The following SLC13A4 variants were observed in gnomAD, a reference collection of about 807,000 sequenced individuals.
SLC13A4 encodes the protein solute carrier family 13 member 4, also known as Na(+)/sulfate cotransporter SUT-1.
SLC13A4 carries 28 observed loss-of-function variants against 72.7 expected under a neutral mutation model. The observed-to-expected ratio is 0.39, with a 90% CI of 0.29 to 0.53. The LOEUF is 0.53. SLC13A4 is among the 20% of genes least tolerant of loss of function. The pLI is 0.78. For synonymous variants in SLC13A4, 312 were observed against 325.5 expected (o/e 0.96, Z 0.45); for missense variants, 653 against 788.0 (o/e 0.83, Z 2.05).
intron 2 of SLC13A4, among the ~76,000 whole-genome samples, chr7:135,720,857 A>G (rs1796531452): frequency 6.6e-6 from 1 of 152,222 alleles, no homozygotes; most frequent in African/African-American, 2.4e-5. Flanking sequence ...CAAAGAAAGA[A>G]AGTAACCTTA....
At chr7:135,692,726 CCCAAACACTGTGCT>C in intron 10 of SLC13A4, 1 of 283,474 alleles carries the variant, frequency 3.5e-6, no homozygotes, top group Non-Finnish European at 6.5e-6. Context: ...AATAGGCAGC[CCCAAACACTGTGCT>C]GGTGGGAGGA....
At chr7:135,722,804 G>A (rs1250256686) in intron 1 of SLC13A4, among the ~76,000 whole-genome samples, 1 of 151,998 alleles carries the variant, frequency 6.6e-6, no homozygotes, top group East Asian at 1.9e-4. Flanking sequence ...TTCTCCCAAA[G>A]GCCCCTGTAA....
chr7:135,711,436 A>G (rs755074573), intron 2 of SLC13A4, among the ~76,000 whole-genome samples: 2 of 152,210 alleles, frequency 1.3e-5, no homozygotes, highest in Non-Finnish European at 2.9e-5. Flanking sequence ...GAAAGCAACC[A>G]GGAATATGGA....
In SLC13A4 at chr7:135,685,624, CGGTGGGAGGCTGCTCAGGGACAACATCT is replaced by C; in HGVS notation, c.1478_1505del (p.Gln493ArgfsTer19). On this transcript the variant is annotated frameshift_variant, in exon 14 of 16. Transcript: ENST00000682651. LOFTEE classifies it high-confidence loss of function. ...TGCATGCCAGCAGGGTGACAGCCCACGGTGGGAGGCTGCTCAGGGACAACATCTGGTTCCCAATCCATGTAGAGAGGCC... is the reference window on the plus strand; with the variant it reads ...TGCATGCCAGCAGGGTGACAGCCCACGGTTCCCAATCCATGTAGAGAGGCC... The C allele has an allele frequency of 6.2e-7, 1 of 1,614,144 alleles. No homozygotes were observed. Among genetic ancestry groups the C allele is most frequent in the Non-Finnish European group, 8.5e-7 (1 of 1,179,980 alleles).
intron 13 of SLC13A4, among the ~76,000 whole-genome samples, chr7:135,690,133 A>G (rs1795742843): frequency 7.3e-6 from 1 of 137,670 alleles, no homozygotes; most frequent in Non-Finnish European, 1.5e-5. Context: ...GTGAGCAGAG[A>G]TGGCGCCACT....
intron 13 of SLC13A4, among the ~76,000 whole-genome samples, chr7:135,687,036 G>A (rs1428974602): frequency 6.6e-6 from 1 of 152,162 alleles, no homozygotes; most frequent in African/African-American, 2.4e-5. Context: ...CAGCCTGGGT[G>A]ACAGAGTGAG....
At chr7:135,715,361 GTA>G (rs1265718799) in intron 2 of SLC13A4, among the ~76,000 whole-genome samples, 16 of 129,984 alleles carry the variant, frequency 1.2e-4, no homozygotes, top group Non-Finnish European at 1.8e-4. Context: ...GTGTATGAGT[GTA>G]TGTGTATGAG....
chr7:135,705,406 G>GTCCTGACAGGTCA, intron 5 of SLC13A4, 190 bp downstream of exon 5: 1 of 536,886 alleles, frequency 1.9e-6, no homozygotes, highest in Non-Finnish European at 3.3e-6. Context: ...GACTCTCCAG[G>GTCCTGACAGGTCA]TCCTGACAGG....
rs1359996816 is a variant in SLC13A4 at position 135,681,689 on chromosome 7, G to C, written c.1758C>G (p.Gly586=). ...CCAGTCCAATAACGTTGACTCCCAG[G>C]CCAGCTTTCACCTGCAGGACACAAA... ...HCQIKDMVKA[G]LGVNVIGLVI... The change falls in exon 16 of 16, where the codon GGC becomes GGG. Residue 586 remains glycine, a synonymous_variant. Transcript: ENST00000682651. The C allele has an allele frequency of 1.2e-6, 2 of 1,613,198 alleles. No individual in the cohort carries two copies. Among genetic ancestry groups the C allele is most frequent in the African/African-American group, 2.7e-5 (2 of 74,908 alleles).
At chr7:135,704,014 T>C (rs573290552) in intron 5 of SLC13A4, 33 of 152,256 alleles carry the variant, frequency 2.2e-4, no homozygotes, top group African/African-American at 7.7e-4. Flanking sequence ...ATGCTTAGAG[T>C]TCTAGGGACA....
At chr7:135,703,302 G>A in intron 5 of SLC13A4, 1 of 179,030 alleles carries the variant, frequency 5.6e-6, no homozygotes, top group Non-Finnish European at 1.2e-5. Context: ...AGGAGTCCAG[G>A]AGTCTGTCTC....
chr7:135,681,412 G>T lies in SLC13A4; in HGVS notation c.*151C>A. ...GTTGGAGGATTCCTGCAGTTCACTT[G>T]AGGTGGCGGAATCTTCTGGTGGAGG... On this transcript the variant is annotated 3_prime_UTR_variant, in exon 16 of 16. Coordinates refer to ENST00000682651, the MANE Select transcript of SLC13A4 (RefSeq NM_001318192.2). 1.1e-6 allele frequency: 1 copy of T among 878,572 alleles called. No individual in the cohort carries two copies. Among genetic ancestry groups the T allele is most frequent in the Non-Finnish European group, 1.7e-6 (1 of 588,964 alleles). 54.4% of individuals were successfully genotyped at this position (878,572 alleles called of 1,614,324 possible).
intron 5 of SLC13A4, 137 bp downstream of exon 5, chr7:135,705,459 G>GT: frequency 2.7e-6 from 2 of 734,612 alleles, no homozygotes; most frequent in South Asian, 1.8e-5. Context: ...GTTGGGCGGG[G>GT]TGGGGGGGTG....
At chr7:135,715,109 GTA>G (rs1284993926) in intron 2 of SLC13A4, among the ~76,000 whole-genome samples, 9 of 151,736 alleles carry the variant, frequency 5.9e-5, no homozygotes, top group East Asian at 5.8e-4. Flanking sequence ...GTGTGAGCGT[GTA>G]TGAGTTTATG....
intron 15 of SLC13A4, chr7:135,683,484 C>CGT: frequency 2.0e-6 from 2 of 978,484 alleles, no homozygotes; most frequent in Non-Finnish European, 2.4e-6. Flanking sequence ...TCCTCTCCCC[C>CGT]CCCGCTCAGC....
chr7:135,697,682 A>G lies in SLC13A4; in HGVS notation c.899+1682T>C, dbSNP rs114557699. On this transcript the variant is annotated intron_variant, in intron 8 of 15. Transcript: ENST00000682651. The stretch of plus-strand genomic sequence containing the variant: ...GCTTAAAATTCTTTAAAAGCATCTC[A>G]GAGCCTTTCAGATGCAGTCCAAGTT... Among the ~76,000 whole-genome samples, 1,471 of 151,624 alleles carry G rather than the reference A, an allele frequency of 9.7e-3. 35 individuals are homozygous for G. Among genetic ancestry groups the G allele is most frequent in the African/African-American group, 0.033 (1,380 of 41,306 alleles).
At chr7:135,695,557 C>T in intron 8 of SLC13A4, 70 bp from the exon 9 acceptor site, 1 of 1,516,612 alleles carries the variant, frequency 6.6e-7, no homozygotes, top group Non-Finnish European at 9.0e-7. Context: ...GGGTAGTATG[C>T]CAAATGCTCC....
At chr7:135,722,591 T>TG (rs1796572075) in intron 1 of SLC13A4, among the ~76,000 whole-genome samples, 10 of 111,918 alleles carry the variant, frequency 8.9e-5, no homozygotes, top group Non-Finnish European at 1.9e-4. Context: ...ATGTGAGATT[T>TG]GAAAAAAAAA....
intron 4 of SLC13A4, 105 bp from the exon 5 acceptor site, chr7:135,705,755 G>T: frequency 1.1e-6 from 1 of 917,924 alleles, no homozygotes; most frequent in Non-Finnish European, 1.8e-6. Context: ...GCCATATGGA[G>T]TGGGTGACAT....
Sources: allele counts gnomAD v4.1 joint callset (sites outside exome capture counted in the v4.1 genomes callset), GRCh38; gene constraint gnomAD v4.1.1; transcripts MANE v1.5; gene names NCBI Gene and HGNC (gene_info 2026-07-23, HGNC 2026-07-21).